The following TMEM120B variants were observed in gnomAD, a reference collection of about 807,000 sequenced individuals.
TMEM120B encodes the protein transmembrane protein 120B.
In TMEM120B, 31 loss-of-function variants were observed where a neutral mutation model predicts 55.5. That is an observed-to-expected ratio of 0.56 (90% CI 0.42 to 0.75). The LOEUF is 0.75. Among genes scored for constraint, TMEM120B ranks in the 30% least tolerant of loss-of-function variants. The pLI is 0.00. For missense variants in TMEM120B, 399 were observed against 425.5 expected, an observed-to-expected ratio of 0.94 and a Z score of 0.55; for synonymous variants, 203 against 176.3, an observed-to-expected ratio of 1.15 and a Z score of -1.20.
intron 6 of TMEM120B, among the ~76,000 whole-genome samples, chr12:121,764,356 C>A (rs1213811154): frequency 1.3e-5 from 2 of 152,096 alleles, no homozygotes; most frequent in Non-Finnish European, 2.9e-5. Context: ...CCCCATCTCT[C>A]CTAAAAATAC....
intron 4 of TMEM120B, among the ~76,000 whole-genome samples, chr12:121,751,269 A>C (rs1592938776): frequency 5.4e-5 from 2 of 37,126 alleles, no homozygotes; most frequent in Non-Finnish European, 5.0e-5. Context: ...CCAACACCCC[A>C]CACCCCACAC....
chr12:121,716,565 CTT>C (rs56037685), intron 1 of TMEM120B, among the ~76,000 whole-genome samples: 3 of 124,800 alleles, frequency 2.4e-5, no homozygotes, highest in African/African-American at 6.1e-5. Context: ...TTTTTTCTTT[CTT>C]TTTTTTTTTT....
rs1365073404 is a variant in TMEM120B at position 121,728,407 on chromosome 12, T to A, written c.70-15222T>A. ...GGGAGGCTGAGGCAGGAGAATGGCG[T>A]GAACTTGGGAGATGGAGCTTGCAGT... On this transcript the variant is annotated intron_variant, in intron 1 of 11. Coordinates refer to ENST00000449592, the MANE Select transcript of TMEM120B (RefSeq NM_001080825.2). 3.3e-5 allele frequency among the ~76,000 whole-genome samples: 5 copies of A among 150,474 alleles called. No homozygotes were observed. In the Admixed American group the frequency reaches 3.3e-4, roughly 10 times the overall value.
In TMEM120B at chr12:121,750,366, G is replaced by A. The variant is rs750307723; in HGVS notation, c.306-14G>A. 25 of 1,611,956 alleles carry A rather than the reference G, an allele frequency of 1.6e-5. No homozygotes were observed. The South Asian group carries it at 2.7e-4, about 18-fold the overall frequency. On this transcript the variant is annotated splice_polypyrimidine_tract_variant and intron_variant, in intron 3 of 11. Coordinates refer to ENST00000449592, the MANE Select transcript of TMEM120B (RefSeq NM_001080825.2). ...CTGCTAAGGATCATGCCCCTCACAG[G>A]TGTTTCCTTCCAGGCTCTACTTGAA... is the stretch of plus-strand genomic sequence containing the variant.
Position 121,781,487 on chromosome 12 carries a change from T to G in TMEM120B, c.*5765T>G. ...CCCTGTCTCTTAACAACAAAACCCA[T>G]GAGCGGCAGCCCCCCAGTCCTGGAT... On this transcript the variant is annotated 3_prime_UTR_variant, in exon 12 of 12. Coordinates refer to ENST00000449592, the MANE Select transcript of TMEM120B (RefSeq NM_001080825.2). The G allele has an allele frequency of 2.9e-6, 1 of 345,414 alleles. No homozygotes were observed. Among genetic ancestry groups the G allele is most frequent in the South Asian group, 2.8e-5 (1 of 35,784 alleles). The allele number at this position is 345,414 out of a possible 1,614,324, so 21.4% of individuals were successfully genotyped here.
At chr12:121,718,093 A>G (rs908227526) in intron 1 of TMEM120B, among the ~76,000 whole-genome samples, 1 of 152,178 alleles carries the variant, frequency 6.6e-6, no homozygotes, top group Admixed American at 6.6e-5. Context: ...GAGTTTCTTT[A>G]TCTAAAAACA....
intron 1 of TMEM120B, among the ~76,000 whole-genome samples, chr12:121,732,490 A>G (rs1364836440): frequency 6.6e-6 from 1 of 152,162 alleles, no homozygotes; most frequent in African/African-American, 2.4e-5. Flanking sequence ...ATCAGGGGAC[A>G]AAATTATGGG....
At chr12:121,774,751 TCC>T in intron 10 of TMEM120B, 29 bp downstream of exon 10, 1 of 1,611,526 alleles carries the variant, frequency 6.2e-7, no homozygotes, top group South Asian at 1.1e-5. Flanking sequence ...TGTGGGTATC[TCC>T]TGTCTGGGCT....
At chr12:121,726,207 T>TA (rs1340972376) in intron 1 of TMEM120B, among the ~76,000 whole-genome samples, 1 of 152,006 alleles carries the variant, frequency 6.6e-6, no homozygotes, top group African/African-American at 2.4e-5. Flanking sequence ...ACCTGGTAAA[T>TA]GTATAAAAAT....
At chr12:121,771,277 G>A (rs1270058454) in intron 7 of TMEM120B, among the ~76,000 whole-genome samples, 1 of 152,152 alleles carries the variant, frequency 6.6e-6, no homozygotes, top group Admixed American at 6.5e-5. Context: ...CAGGGAGTTA[G>A]CGCTTCTGCA....
intron 1 of TMEM120B, among the ~76,000 whole-genome samples, chr12:121,738,419 C>T (rs960501392): frequency 1.3e-5 from 2 of 152,128 alleles, no homozygotes; most frequent in African/African-American, 4.8e-5. Context: ...CTCTCCATGG[C>T]GGGACCCAGC....
At chr12:121,738,905 G>A (rs576149657) in intron 1 of TMEM120B, among the ~76,000 whole-genome samples, 2 of 152,130 alleles carry the variant, frequency 1.3e-5, no homozygotes, top group African/African-American at 4.8e-5. Context: ...ACTTAAGTTC[G>A]GCCGGGCATG....
intron 1 of TMEM120B, among the ~76,000 whole-genome samples, chr12:121,732,674 A>G (rs915148304): frequency 1.8e-4 from 28 of 152,176 alleles, no homozygotes; most frequent in African/African-American, 5.8e-4. Flanking sequence ...GCAGTTTGCC[A>G]AAACTTACTA....
rs754747143 is a variant in TMEM120B at position 121,775,680 on chromosome 12, T to C, written c.978T>C (p.His326=). ...GNFLTTLKVV[H]AKLQKNRGKT... ...TCCTGACCACGCTCAAAGTCGTGCA[T>C]GCCAAGCTCCAGAAGAACAGAGGCA... Residue 326 remains histidine (H), a synonymous_variant, in exon 12 of 12, where the codon CAT becomes CAC. Transcript: ENST00000449592. The surrounding 1 kb of genome is among the most constrained non-coding windows in gnomAD (Gnocchi z 4.3). The C allele has an allele frequency of 1.7e-5, 27 of 1,613,956 alleles. 1 individual carries two copies. In the South Asian group the frequency reaches 3.0e-4, roughly 18 times the overall value.
chr12:121,774,611 G>T (rs769838737), intron 9 of TMEM120B, 47 bp from the exon 10 acceptor site: 1 of 1,585,242 alleles, frequency 6.3e-7, no homozygotes, highest in South Asian at 1.1e-5. Flanking sequence ...AGCTGTGGGG[G>T]CAGCGGACCC....
In TMEM120B at chr12:121,775,768, G is replaced by C. The variant is rs756859498; in HGVS notation, c.*46G>C. The C allele has an allele frequency of 1.2e-5, 19 of 1,597,262 alleles. No homozygotes were observed. Among genetic ancestry groups the C allele is most frequent in the Non-Finnish European group, 1.5e-5 (18 of 1,168,904 alleles). On this transcript the variant is annotated 3_prime_UTR_variant, in exon 12 of 12. Transcript: ENST00000449592. This position sits in a 1 kb window ranked among gnomAD's most constrained non-coding sequence, Gnocchi z 4.3. Reference sequence around the variant, plus strand: ...CGGCCCGGACTTCAGACTGCAGGGGGCTCCCGGGCTCCTTCCCAGCAGCCC... The same window carrying C: ...CGGCCCGGACTTCAGACTGCAGGGGCCTCCCGGGCTCCTTCCCAGCAGCCC...
chr12:121,747,316 G>A (rs1873120297), intron 2 of TMEM120B, among the ~76,000 whole-genome samples: 1 of 40,884 alleles, frequency 2.4e-5, no homozygotes, highest in African/African-American at 9.6e-5. Flanking sequence ...GAGGCACTGG[G>A]GTAGAAGGCG....
intron 5 of TMEM120B, among the ~76,000 whole-genome samples, chr12:121,760,914 A>C (rs946427980): frequency 2.6e-5 from 4 of 152,184 alleles, no homozygotes; most frequent in Non-Finnish European, 4.4e-5. Context: ...CAGATGCTTT[A>C]AGGGGGCAGA....
At chr12:121,750,354 T>C (rs761892051) in intron 3 of TMEM120B, 26 bp from the exon 4 acceptor site, 6 of 1,608,462 alleles carry the variant, frequency 3.7e-6, no homozygotes, top group Non-Finnish European at 4.3e-6. Flanking sequence ...CTAAGGATCA[T>C]GCCCCTCACA....
Sources: allele counts gnomAD v4.1 joint callset (sites outside exome capture counted in the v4.1 genomes callset), GRCh38; gene constraint gnomAD v4.1.1; non-coding constraint Gnocchi (gnomAD v3.1); transcripts MANE v1.5; gene names NCBI Gene and HGNC (gene_info 2026-07-23, HGNC 2026-07-21).